The following ZNF609 variants were observed in gnomAD, a reference collection of about 807,000 sequenced individuals.
ZNF609 encodes the protein zinc finger protein 609.
Under a neutral mutation model 109.5 loss-of-function variants are expected in ZNF609, and 11 were observed. The ratio of observed to expected loss-of-function variants is 0.10; its 90% CI spans 0.06 to 0.17. ZNF609 has a LOEUF of 0.17. ZNF609 is among the 10% of genes least tolerant of loss of function. ZNF609 has a pLI of 1.00. For synonymous variants in ZNF609, 646 were observed against 662.0 expected (o/e 0.98, Z 0.37); for missense variants, 1,559 against 1,772.4 (o/e 0.88, Z 2.16).
At position 64,577,350 on chromosome 15, in the gene ZNF609, T is replaced by TATACACACAA. The variant is rs1567019392; in HGVS notation, c.748-45474_748-45473insCACACAAATA. On this transcript the variant is annotated intron_variant, in intron 2 of 9. Transcript: ENST00000326648. ...ACAAATATATACATATATATGTATA[T>TATACACACAA]ATATACACATATATGTATATATATA... Among the ~76,000 whole-genome samples the TATACACACAA allele has an allele frequency of 1.1e-4, 2 of 18,736 alleles. 1 individual carries two copies. The highest frequency in any genetic ancestry group is 1.9e-4 in the African/African-American group (2 of 10,682). 12.3% of individuals were successfully genotyped at this position (18,736 alleles called of 152,430 possible). A position where few individuals can be genotyped will look rare whatever the true frequency, so the allele number is the denominator to read the frequency against.
rs183203326 is a variant in ZNF609 at position 64,577,745 on chromosome 15, G to A, written c.748-45082G>A. 6.8e-4 allele frequency among the ~76,000 whole-genome samples: 102 copies of A among 150,380 alleles called. 1 individual carries two copies. Among genetic ancestry groups the A allele is most frequent in the African/African-American group, 2.7e-4 (11 of 40,846 alleles). On this transcript the variant is annotated intron_variant, in intron 2 of 9. Coordinates refer to ENST00000326648, the MANE Select transcript of ZNF609 (RefSeq NM_015042.2). Reference sequence around the variant, plus strand: ...ATGGGGACACATGCCTGTAATCCCCGCTACTTGGGAGGCTGAGGCAGGAGA... The same window carrying A: ...ATGGGGACACATGCCTGTAATCCCCACTACTTGGGAGGCTGAGGCAGGAGA...
rs755450293 is a variant in ZNF609, at chr15:64,622,822, C to T, written c.748-5C>T. 5.6e-6 allele frequency: 9 copies of T among 1,613,794 alleles called. No homozygotes were observed. Among genetic ancestry groups the T allele is most frequent in the South Asian group, 1.1e-5 (1 of 91,068 alleles). On this transcript the variant is annotated splice_polypyrimidine_tract_variant and splice_region_variant and intron_variant, in intron 2 of 9. Coordinates refer to ENST00000326648, the MANE Select transcript of ZNF609 (RefSeq NM_015042.2). ...CTCAGCTACTACTTTTTCTTCCCTC[C>T]ACAGATGGAGTCCCCTGTTTCCACA...
Position 64,675,121 on chromosome 15 carries a change from G to A in ZNF609, c.2267G>A (p.Gly756Asp). The change falls in exon 5 of 10, where the codon GGC becomes GAC. Residue 756 changes from glycine to aspartate, a missense_variant. Physicochemically the swap from Gly to Asp is moderately conservative, Grantham distance 94. Transcript: ENST00000326648. The stretch of plus-strand genomic sequence containing the variant: ...GGGAAGGTGTGTCGAGCAGAGGAAG[G>A]CAAAAGCCCATTCAGGGAATCTTCA... Reference protein sequence around the residue: ...TPGKVCRAEEGKSPFRESSGD... With the variant: ...TPGKVCRAEEDKSPFRESSGD... 6.2e-7 allele frequency: 1 copy of A among 1,614,082 alleles called. No homozygotes were observed. The highest frequency in any genetic ancestry group is 8.5e-7 in the Non-Finnish European group (1 of 1,180,032).
chr15:64,586,956 G>A (rs1047394365), intron 2 of ZNF609, among the ~76,000 whole-genome samples: 7 of 152,116 alleles, frequency 4.6e-5, no homozygotes, highest in African/African-American at 1.7e-4. Flanking sequence ...GAATAGTGAT[G>A]TTTTTCTTTA....
chr15:64,607,662 A>G (rs971784257), intron 2 of ZNF609, among the ~76,000 whole-genome samples: 2 of 150,690 alleles, frequency 1.3e-5, no homozygotes, highest in African/African-American at 4.9e-5. Flanking sequence ...CTGCCACCAC[A>G]CCTGGCTAAT....
In ZNF609 at chr15:64,680,251, C is replaced by T. The variant is rs2141019918; in HGVS notation, c.3836C>T (p.Ala1279Val). 6.2e-7 allele frequency: 1 copy of T among 1,614,192 alleles called. No individual in the cohort carries two copies. The highest frequency in any genetic ancestry group is 2.2e-5 in the East Asian group (1 of 44,890). ...YGSKVSGGED[A>V]DKARASPSVT... The stretch of plus-strand genomic sequence containing the variant: ...AGCAAGGTCTCAGGTGGTGAAGATG[C>T]TGACAAGGCACGAGCCAGCCCCAGT... The change falls in exon 7 of 10, where the codon GCT (alanine) becomes GTT (valine). Residue 1279 changes from alanine to valine, a missense_variant. Transcript: ENST00000326648.
intron 2 of ZNF609, among the ~76,000 whole-genome samples, chr15:64,581,051 A>T (rs1260277981): frequency 7.6e-6 from 1 of 131,918 alleles, no homozygotes; most frequent in Non-Finnish European, 1.5e-5. Context: ...GGGTCTCACC[A>T]TATTGCCCAG....
chr15:64,579,216 A>G (rs1895052949), intron 2 of ZNF609, among the ~76,000 whole-genome samples: 1 of 150,916 alleles, frequency 6.6e-6, no homozygotes, highest in Non-Finnish European at 1.5e-5. Context: ...AAAAAATTTA[A>G]GAATTAGCTA....
At chr15:64,581,514 C>T (rs921737039) in intron 2 of ZNF609, among the ~76,000 whole-genome samples, 2 of 151,994 alleles carry the variant, frequency 1.3e-5, no homozygotes, top group African/African-American at 4.8e-5. Context: ...GCTTTTTATG[C>T]TGGGTAAGCT....
Position 64,468,022 on chromosome 15 carries a change from T to C in ZNF609, c.-128+7184T>C, listed in dbSNP as rs528473328. ...TTTACTAGTATGCTTTTTTTTTTTT[T>C]CTTTTTTGAGGCAGGGCCTTGCTCT... On this transcript the variant is annotated intron_variant, in intron 1 of 9. Coordinates refer to ENST00000326648, the MANE Select transcript of ZNF609 (RefSeq NM_015042.2). Among the ~76,000 whole-genome samples the C allele has an allele frequency of 9.9e-5, 15 of 151,504 alleles. No homozygotes were observed. In the South Asian group the frequency reaches 3.1e-3, roughly 31 times the overall value.
intron 6 of ZNF609, 98 bp downstream of exon 6, chr15:64,678,580 TG>T: frequency 5.4e-6 from 8 of 1,493,558 alleles, no homozygotes; most frequent in Non-Finnish European, 7.1e-6. Flanking sequence ...CAAGGCATAT[TG>T]AGGCTCGCTT....
At chr15:64,485,503 G>GT (rs1893318951) in intron 1 of ZNF609, among the ~76,000 whole-genome samples, 1 of 152,210 alleles carries the variant, frequency 6.6e-6, no homozygotes, top group Non-Finnish European at 1.5e-5. Context: ...TTACGCAGTT[G>GT]TAAGAATAAT....
At position 64,675,914 on chromosome 15, in the gene ZNF609, A is replaced by C. The variant is rs747779002; in HGVS notation, c.3060A>C (p.Gly1020=). ...KRQSLEQQQR[G]VDKKAEMGLK... is the part of the protein sequence containing the mutation. Reference sequence around the variant, plus strand: ...AGAGCTTAGAGCAGCAGCAGCGGGGAGTGGACAAGAAGGCAGAGATGGGCC... The same window carrying C: ...AGAGCTTAGAGCAGCAGCAGCGGGGCGTGGACAAGAAGGCAGAGATGGGCC... Residue 1020 remains glycine, a synonymous_variant, in exon 5 of 10, where the codon GGA becomes GGC. Transcript: ENST00000326648. 6.2e-7 allele frequency: 1 copy of C among 1,614,226 alleles called. No individual in the cohort carries two copies. The highest frequency in any genetic ancestry group is 1.7e-5 in the Admixed American group (1 of 60,026).
At position 64,623,079 on chromosome 15, in the gene ZNF609, C is replaced by T. The variant is rs1249563396; in HGVS notation, c.973+27C>T. The T allele has an allele frequency of 1.9e-6, 3 of 1,602,220 alleles. No homozygotes were observed. In the South Asian group the frequency reaches 3.3e-5, roughly 18 times the overall value. ...TAAGTGTGATATGTGGCTTTCCCCT[C>T]CCTTCTCAACCTGCTTCTGCAGGGG... On this transcript the variant is annotated intron_variant, in intron 3 of 9. Coordinates refer to ENST00000326648, the MANE Select transcript of ZNF609 (RefSeq NM_015042.2).
chr15:64,610,353 A>G (rs1437610196), intron 2 of ZNF609, among the ~76,000 whole-genome samples: 1 of 152,182 alleles, frequency 6.6e-6, no homozygotes, highest in Non-Finnish European at 1.5e-5. Context: ...GGGAGGAAAG[A>G]GAGGATTAGG....
chr15:64,593,359 A>G (rs1455438224), intron 2 of ZNF609: 8 of 1,046,724 alleles, frequency 7.6e-6, no homozygotes, highest in Non-Finnish European at 1.2e-5. Flanking sequence ...AAGACAGGCT[A>G]TTCTCTGGAG....
chr15:64,675,155 G>T lies in ZNF609; in HGVS notation c.2301G>T (p.Gly767=). 1.2e-6 allele frequency: 2 copies of T among 1,614,134 alleles called. No homozygotes were observed. Among genetic ancestry groups the T allele is most frequent in the Non-Finnish European group, 1.7e-6 (2 of 1,180,024 alleles). Residue 767 remains glycine, a synonymous_variant, in exon 5 of 10, where the codon GGG becomes GGT. Coordinates refer to ENST00000326648, the MANE Select transcript of ZNF609 (RefSeq NM_015042.2). ...KSPFRESSGD[G]MKMEGLLNGS... is the part of the protein sequence containing the mutation. ...CATTCAGGGAATCTTCAGGAGATGG[G>T]ATGAAAATGGAGGGGCTCCTAAATG...
intron 2 of ZNF609, among the ~76,000 whole-genome samples, chr15:64,562,596 G>C (rs1043316873): frequency 6.6e-6 from 1 of 152,132 alleles, no homozygotes; most frequent in Non-Finnish European, 1.5e-5. Flanking sequence ...TCCTGGCTGA[G>C]ATCAGTCTAT....
chr15:64,547,051 A>G (rs897887771), intron 2 of ZNF609, among the ~76,000 whole-genome samples: 6 of 151,892 alleles, frequency 4.0e-5, no homozygotes, highest in Admixed American at 6.6e-5. Context: ...CGGCCTCCCA[A>G]AGTGCTGGGA....
Sources: allele counts gnomAD v4.1 joint callset (sites outside exome capture counted in the v4.1 genomes callset), GRCh38; gene constraint gnomAD v4.1.1; transcripts MANE v1.5; gene names NCBI Gene and HGNC (gene_info 2026-07-23, HGNC 2026-07-21).